MAML3: variants seen among roughly 807,000 people sequenced by gnomAD.
MAML3 encodes the protein mastermind like transcriptional coactivator 3.
MAML3 carries 27 observed loss-of-function variants against 101.9 expected under a neutral mutation model. That is an observed-to-expected ratio of 0.27 (90% CI 0.20 to 0.37). MAML3 has a LOEUF of 0.37. Among genes scored for constraint, MAML3 ranks in the 10% least tolerant of loss-of-function variants. The pLI, the probability that MAML3 is intolerant of heterozygous loss-of-function variation, is 1.00. For synonymous variants in MAML3, 501 were observed against 555.9 expected, an observed-to-expected ratio of 0.90 and a Z score of 1.39; for missense variants, 1,316 against 1,444.9, an observed-to-expected ratio of 0.91 and a Z score of 1.45.
At chr4:139,772,234 C>T (rs776369763) in intron 2 of MAML3, among the ~76,000 whole-genome samples, 6 of 63,872 alleles carry the variant, frequency 9.4e-5, no homozygotes, top group Admixed American at 2.1e-4. Flanking sequence ...AGCGAGACTC[C>T]GTTCTCAAAA....
intron 1 of MAML3, among the ~76,000 whole-genome samples, chr4:140,064,708 G>T (rs1727501975): frequency 6.6e-6 from 1 of 152,132 alleles, no homozygotes; most frequent in Non-Finnish European, 1.5e-5. Context: ...GTATTCATCA[G>T]CTCAGTCTGT....
chr4:139,739,427 CT>C (rs1729075779), intron 2 of MAML3, among the ~76,000 whole-genome samples: 1 of 152,210 alleles, frequency 6.6e-6, no homozygotes, highest in Admixed American at 6.5e-5. Flanking sequence ...GAGAGTTATG[CT>C]TTTCGTCTGC....
intron 1 of MAML3, among the ~76,000 whole-genome samples, chr4:140,144,032 G>GTT (rs901281763): frequency 2.6e-5 from 4 of 152,162 alleles, no homozygotes; most frequent in African/African-American, 9.7e-5. Flanking sequence ...AGAGCTCCTT[G>GTT]TTTAAAGCAG....
chr4:139,831,084 C>T (rs2111133606), intron 2 of MAML3, among the ~76,000 whole-genome samples: 1 of 152,194 alleles, frequency 6.6e-6, no homozygotes, highest in South Asian at 2.1e-4. Context: ...TCATGGCCAC[C>T]AAAACCCCTC....
intron 2 of MAML3, among the ~76,000 whole-genome samples, chr4:139,870,102 G>T (rs1403760359): frequency 6.6e-5 from 10 of 152,212 alleles, no homozygotes; most frequent in Admixed American, 5.9e-4. Context: ...GGCACATAAA[G>T]CGCTCCATGA....
intron 1 of MAML3, among the ~76,000 whole-genome samples, chr4:140,018,334 T>G (rs559981850): frequency 5.3e-5 from 8 of 152,186 alleles, no homozygotes; most frequent in Non-Finnish European, 8.8e-5. Context: ...CAAATACACA[T>G]GTATCTACTC....
chr4:139,815,580 A>G (rs1730878742), intron 2 of MAML3, among the ~76,000 whole-genome samples: 1 of 152,192 alleles, frequency 6.6e-6, no homozygotes. Context: ...TAATAGATCT[A>G]TCTCCATCAA....
At chr4:139,837,244 C>G (rs553912163) in intron 2 of MAML3, among the ~76,000 whole-genome samples, 1 of 152,090 alleles carries the variant, frequency 6.6e-6, no homozygotes, top group South Asian at 2.1e-4. Context: ...CACCTGTAAT[C>G]CCAGCACTTT....
At chr4:140,098,562 G>A (rs1453830784) in intron 1 of MAML3, among the ~76,000 whole-genome samples, 2 of 152,202 alleles carry the variant, frequency 1.3e-5, no homozygotes, top group Non-Finnish European at 2.9e-5. Flanking sequence ...GACTTCTCAG[G>A]GGCTCTGAAA....
intron 1 of MAML3, among the ~76,000 whole-genome samples, chr4:140,034,219 A>G (rs1578652222): frequency 6.6e-6 from 1 of 152,336 alleles, no homozygotes; most frequent in East Asian, 1.9e-4. Context: ...AAAGTAGCCT[A>G]TGAAGAGACA....
intron 1 of MAML3, among the ~76,000 whole-genome samples, chr4:139,913,245 A>G (rs1385754377): frequency 1.3e-5 from 2 of 152,230 alleles, no homozygotes; most frequent in Non-Finnish European, 2.9e-5. Flanking sequence ...TATGTGGAGT[A>G]GATGTGTACA....
intron 4 of MAML3, among the ~76,000 whole-genome samples, chr4:139,722,149 G>A (rs1250615036): frequency 6.6e-6 from 1 of 152,156 alleles, no homozygotes; most frequent in Non-Finnish European, 1.5e-5. Flanking sequence ...TGAGAAATAG[G>A]TTCCTTTCTT....
intron 1 of MAML3, among the ~76,000 whole-genome samples, chr4:140,111,318 A>C (rs1728435011): frequency 6.6e-6 from 1 of 152,190 alleles, no homozygotes; most frequent in African/African-American, 2.4e-5. Context: ...AGGCTGGAAA[A>C]AGACAGTATG....
chr4:140,145,628 C>T (rs1159463393), intron 1 of MAML3, among the ~76,000 whole-genome samples: 6 of 152,076 alleles, frequency 3.9e-5, no homozygotes, highest in Non-Finnish European at 7.3e-5. Flanking sequence ...TGTAGTGGCA[C>T]GATCTCAGCT....
intron 1 of MAML3, among the ~76,000 whole-genome samples, chr4:140,129,772 C>A (rs1014681351): frequency 1.3e-5 from 2 of 152,114 alleles, no homozygotes; most frequent in African/African-American, 2.4e-5. Context: ...CGAGACCAGC[C>A]TGGCCAACAT....
chr4:139,856,608 C>CT (rs542585918), intron 2 of MAML3, among the ~76,000 whole-genome samples: 35 of 152,326 alleles, frequency 2.3e-4, no homozygotes, highest in African/African-American at 8.2e-4. Flanking sequence ...TCTTGTCGAA[C>CT]TTCTGTGAAG....
intron 1 of MAML3, among the ~76,000 whole-genome samples, chr4:140,083,282 T>A (rs554111558): frequency 6.6e-6 from 1 of 152,180 alleles, no homozygotes; most frequent in South Asian, 2.1e-4. Flanking sequence ...TTTCCCCACA[T>A]TGCCCACTCC....
chr4:140,145,087 A>C (rs1729037375), intron 1 of MAML3, among the ~76,000 whole-genome samples: 1 of 152,230 alleles, frequency 6.6e-6, no homozygotes, highest in South Asian at 2.1e-4. Flanking sequence ...ATAGACTTAG[A>C]GCACTTCGGC....
intron 1 of MAML3, among the ~76,000 whole-genome samples, chr4:140,035,876 T>G (rs1392810789): frequency 6.6e-6 from 1 of 152,246 alleles, no homozygotes; most frequent in African/African-American, 2.4e-5. Context: ...TGCTTTAGTT[T>G]AATTCCCTTC....
Sources: gnomAD v4.1 joint callset for allele counts (sites outside exome capture counted in the v4.1 genomes callset) on GRCh38, gnomAD v4.1.1 for gene constraint, MANE v1.5 for transcripts, NCBI Gene and HGNC (gene_info 2026-07-23, HGNC 2026-07-21) for gene names.